PCDH9: variants seen among roughly 807,000 people sequenced by gnomAD.
PCDH9 encodes the protein protocadherin 9.
Under a neutral mutation model 70.6 loss-of-function variants are expected in PCDH9, and 24 were observed. The ratio of observed to expected loss-of-function variants is 0.34; its 90% CI spans 0.25 to 0.48. PCDH9 has a LOEUF of 0.48. Ranked by LOEUF, PCDH9 falls within the 20% of genes least tolerant of loss-of-function variation. The probability of loss-of-function intolerance (pLI) is 0.99; values close to 1 mark genes in which losing one functional copy is unlikely to be tolerated. For missense variants in PCDH9, 1,281 were observed against 1,503.6 expected (o/e 0.85, Z 2.45); for synonymous variants, 562 against 558.5 (o/e 1.01, Z -0.09).
intron 4 of PCDH9, among the ~76,000 whole-genome samples, chr13:66,583,327 CTT>C (rs1395032929): frequency 6.6e-6 from 1 of 152,058 alleles, no homozygotes; most frequent in African/African-American, 2.4e-5. Flanking sequence ...GAATAAAACT[CTT>C]AGGCTGGGCA....
At chr13:66,761,003 A>G (rs2079618575) in intron 3 of PCDH9, among the ~76,000 whole-genome samples, 1 of 152,108 alleles carries the variant, frequency 6.6e-6, no homozygotes, top group Non-Finnish European at 1.5e-5. Context: ...ATCAATGACA[A>G]CGTGTGCCCA....
chr13:66,420,204 C>T (rs1293976228), intron 4 of PCDH9, among the ~76,000 whole-genome samples: 4 of 152,172 alleles, frequency 2.6e-5, no homozygotes, highest in Admixed American at 2.6e-4. Flanking sequence ...TGCCATCTCC[C>T]TGGGACAGAG....
At chr13:66,336,649 G>A (rs756621559) in intron 4 of PCDH9, among the ~76,000 whole-genome samples, 6 of 151,948 alleles carry the variant, frequency 3.9e-5, no homozygotes, top group Non-Finnish European at 8.8e-5. Flanking sequence ...TTTGCTATGT[G>A]GATATAATTA....
intron 3 of PCDH9, among the ~76,000 whole-genome samples, chr13:66,799,718 TCTTAA>T (rs2080297372): frequency 6.6e-6 from 1 of 152,192 alleles, no homozygotes; most frequent in Non-Finnish European, 1.5e-5. Context: ...AAATTATTTC[TCTTAA>T]CTTTTGTCAA....
chr13:67,129,019 T>G (rs530139488), intron 2 of PCDH9, among the ~76,000 whole-genome samples: 1 of 152,232 alleles, frequency 6.6e-6, no homozygotes, highest in African/African-American at 2.4e-5. Context: ...TACTGGAAAC[T>G]GTTTTTTTAA....
intron 3 of PCDH9, among the ~76,000 whole-genome samples, chr13:66,661,464 A>C (rs1044942741): frequency 2.0e-5 from 3 of 152,162 alleles, no homozygotes; most frequent in African/African-American, 4.8e-5. Flanking sequence ...GTTTGTTTTC[A>C]ATGTGCGGCT....
intron 3 of PCDH9, among the ~76,000 whole-genome samples, chr13:66,887,077 A>ACACCCC (rs1491222485): frequency 4.0e-5 from 5 of 124,378 alleles, no homozygotes; most frequent in African/African-American, 1.5e-4. Context: ...ACACACACAC[A>ACACCCC]CCCTGTATTT....
chr13:66,317,024 G>A (rs78086230), intron 4 of PCDH9, among the ~76,000 whole-genome samples: 8,569 of 152,046 alleles, frequency 0.056, 322 homozygotes, highest in Middle Eastern at 0.088. Context: ...TGCCCGGCCC[G>A]CTAGCTTTGT....
Position 66,613,293 on chromosome 13 carries a change from A to G in PCDH9, c.3340+17917T>C, listed in dbSNP as rs1398268549. Among the ~76,000 whole-genome samples, 5 of 152,238 alleles carry G rather than the reference A, an allele frequency of 3.3e-5. No individual in the cohort carries two copies. The East Asian group carries it at 9.7e-4, about 29-fold the overall frequency. ...ACTTTTTAGACTGTAATAAGCTTAA[A>G]CTTATCTCCCTGGTGAAGGAACCAC... On this transcript the variant is annotated intron_variant, in intron 4 of 4. Transcript: ENST00000377865.
intron 2 of PCDH9, among the ~76,000 whole-genome samples, chr13:67,146,794 A>G (rs2138373988): frequency 6.6e-6 from 1 of 152,272 alleles, no homozygotes; most frequent in African/African-American, 2.4e-5. Context: ...TCTGCCAGAA[A>G]AGCCTACTTC....
In PCDH9 at chr13:66,579,971, C is replaced by G. The variant is rs573423768; in HGVS notation, c.3340+51239G>C. Among the ~76,000 whole-genome samples, 7 of 152,078 alleles carry G rather than the reference C, an allele frequency of 4.6e-5. No individual in the cohort carries two copies. The East Asian group carries it at 1.4e-3, about 29-fold the overall frequency. The stretch of plus-strand genomic sequence containing the variant: ...TTTCAGAGTCAAAATTAGATTTATA[C>G]CATAAAAAGATTTTTGAAGATGTTC... On this transcript the variant is annotated intron_variant, in intron 4 of 4. Transcript: ENST00000377865.
chr13:66,942,323 A>C (rs904862210), intron 2 of PCDH9, among the ~76,000 whole-genome samples: 4 of 151,912 alleles, frequency 2.6e-5, no homozygotes, highest in African/African-American at 9.7e-5. Context: ...ATCATAAATA[A>C]ACAGAAAGCA....
At chr13:66,949,661 G>A (rs954361751) in intron 2 of PCDH9, among the ~76,000 whole-genome samples, 1 of 151,936 alleles carries the variant, frequency 6.6e-6, no homozygotes, top group African/African-American at 2.4e-5. Context: ...ACTCCTGGGA[G>A]ATGCACAACC....
At chr13:66,539,163 T>A (rs1467541019) in intron 4 of PCDH9, among the ~76,000 whole-genome samples, 2 of 152,244 alleles carry the variant, frequency 1.3e-5, no homozygotes, top group South Asian at 2.1e-4. Context: ...CTCTCTTGAT[T>A]CAAACTTCTC....
chr13:67,003,633 T>C (rs1738585690), intron 2 of PCDH9, among the ~76,000 whole-genome samples: 1 of 152,106 alleles, frequency 6.6e-6, no homozygotes, highest in African/African-American at 2.4e-5. Flanking sequence ...ACAACTTAAA[T>C]GAAGATGAAA....
chr13:66,648,874 A>G (rs1424184950), intron 3 of PCDH9, among the ~76,000 whole-genome samples: 1 of 152,112 alleles, frequency 6.6e-6, no homozygotes, highest in Non-Finnish European at 1.5e-5. Context: ...TATTTAACAG[A>G]AAGTCTGAAA....
At chr13:66,985,290 T>C (rs905507565) in intron 2 of PCDH9, among the ~76,000 whole-genome samples, 1 of 152,144 alleles carries the variant, frequency 6.6e-6, no homozygotes, top group Admixed American at 6.6e-5. Context: ...GTTGAATGAA[T>C]AGGAAAGTAC....
At chr13:66,432,135 T>C (rs1957782935) in intron 4 of PCDH9, among the ~76,000 whole-genome samples, 1 of 152,034 alleles carries the variant, frequency 6.6e-6, no homozygotes, top group South Asian at 2.1e-4. Context: ...TTATTTGTTA[T>C]AAGAAAACGT....
chr13:66,739,232 A>G (rs1230948605), intron 3 of PCDH9, among the ~76,000 whole-genome samples: 21 of 125,944 alleles, frequency 1.7e-4, no homozygotes, highest in African/African-American at 5.1e-4. Flanking sequence ...TTTCATATCC[A>G]GCCAAACTAA....
Sources: allele counts gnomAD v4.1 joint callset (sites outside exome capture counted in the v4.1 genomes callset), GRCh38; gene constraint gnomAD v4.1.1; transcripts MANE v1.5; gene names NCBI Gene and HGNC (gene_info 2026-07-23, HGNC 2026-07-21).